Variants in RBFOX1 observed in about 807,000 individuals in gnomAD.
The protein encoded by RBFOX1 is RNA binding fox-1 homolog 1, also known as RNA binding protein fox-1 homolog 1.
Under a neutral mutation model 57.7 loss-of-function variants are expected in RBFOX1, and 8 were observed. The ratio of observed to expected loss-of-function variants is 0.14; its 90% CI spans 0.08 to 0.25. The LOEUF (loss-of-function observed/expected upper bound fraction) is 0.25, where lower values mean the gene tolerates loss of function less well. Ranked by LOEUF, RBFOX1 falls within the 10% of genes least tolerant of loss-of-function variation. The probability of loss-of-function intolerance (pLI) is 1.00; values close to 1 mark genes in which losing one functional copy is unlikely to be tolerated. For synonymous variants in RBFOX1, 326 were observed against 222.4 expected (o/e 1.47, Z -4.15); for missense variants, 611 against 548.5 (o/e 1.11, Z -1.14).
chr16:6,631,953 A>G (rs1159639890), intron 2 of RBFOX1, among the ~76,000 whole-genome samples: 2 of 152,198 alleles, frequency 1.3e-5, no homozygotes, highest in East Asian at 1.9e-4. Context: ...GCAAAGAGCT[A>G]TGTTGGGAGC....
At chr16:6,002,635 C>T (rs2060621794) in intron 4 of RBFOX1, among the ~76,000 whole-genome samples, 1 of 152,174 alleles carries the variant, frequency 6.6e-6, no homozygotes, top group Non-Finnish European at 1.5e-5. Flanking sequence ...TCTTTCTTCT[C>T]CTACCGTTCT....
chr16:6,676,705 C>G (rs1175970002), intron 3 of RBFOX1, among the ~76,000 whole-genome samples: 1 of 118,392 alleles, frequency 8.4e-6, no homozygotes, highest in Non-Finnish European at 1.7e-5. Flanking sequence ...GACAAAGTCT[C>G]ACTCTTGTCC....
intron 4 of RBFOX1, among the ~76,000 whole-genome samples, chr16:7,162,497 AG>A (rs1199291771): frequency 6.8e-6 from 1 of 148,122 alleles, no homozygotes; most frequent in African/African-American, 2.5e-5. Flanking sequence ...TGAGAGGTTG[AG>A]GGGGATAGAT....
At chr16:7,373,932 C>A (rs1393571045) in intron 4 of RBFOX1, among the ~76,000 whole-genome samples, 5 of 152,136 alleles carry the variant, frequency 3.3e-5, no homozygotes, top group Admixed American at 2.0e-4. Context: ...CTCGTAGCAG[C>A]CCTTTGCAAT....
In RBFOX1 at chr16:6,363,394, G is replaced by T. The variant is rs939540784; in HGVS notation, c.-64+46337G>T. Among the ~76,000 whole-genome samples, 3 of 152,184 alleles carry T rather than the reference G, an allele frequency of 2.0e-5. No homozygotes were observed. In the South Asian group the frequency reaches 6.2e-4, roughly 31 times the overall value. On this transcript the variant is annotated intron_variant, in intron 2 of 15. Transcript: ENST00000550418. ...CATACCCTAAATCTTTGCTTGCAAA[G>T]TTGACCAGTGATGCACAGAATGAGG... is the stretch of plus-strand genomic sequence containing the variant.
chr16:6,585,632 G>C (rs1204248275), intron 2 of RBFOX1, among the ~76,000 whole-genome samples: 1 of 152,114 alleles, frequency 6.6e-6, no homozygotes, highest in East Asian at 1.9e-4. Context: ...TTAGATCAAT[G>C]ACATAGACTC....
chr16:5,413,550 C>G (rs1347136564), intron 1 of RBFOX1, among the ~76,000 whole-genome samples: 2 of 152,216 alleles, frequency 1.3e-5, no homozygotes, highest in Non-Finnish European at 2.9e-5. Flanking sequence ...GCCACCATAT[C>G]AGACAGCACA....
Position 5,657,732 on chromosome 16 carries a change from C to CTTTTTTTTTTTTTTT in RBFOX1, c.318+58775_318+58776insTTTTTTTTTTTTTTT, listed in dbSNP as rs71386513. Among the ~76,000 whole-genome samples the CTTTTTTTTTTTTTTT allele has an allele frequency of 2.0e-5, 2 of 98,352 alleles. 1 individual carries two copies. The highest frequency in any genetic ancestry group is 3.8e-5 in the Non-Finnish European group (2 of 53,164). 64.5% of individuals were successfully genotyped at this position (98,352 alleles called of 152,430 possible). On this transcript the variant is annotated intron_variant, in intron 3 of 19. Coordinates refer to the RBFOX1 transcript ENST00000641259. ...TTTCTCTCTTTCTTTTGTTTCTTTTCTTTTCTTTTTTTTTTTTTGAGACAG... is the reference window on the plus strand; with the variant it reads ...TTTCTCTCTTTCTTTTGTTTCTTTTCTTTTTTTTTTTTTTTTTTTCTTTTTTTTTTTTTGAGACAG...
At chr16:6,601,392 C>G (rs1392105570) in intron 2 of RBFOX1, among the ~76,000 whole-genome samples, 4 of 152,016 alleles carry the variant, frequency 2.6e-5, no homozygotes, top group Admixed American at 2.6e-4. Flanking sequence ...AGTTACGGTG[C>G]TTTTGTTGGT....
chr16:7,529,258 C>T (rs1227247459), intron 5 of RBFOX1, among the ~76,000 whole-genome samples: 1 of 152,138 alleles, frequency 6.6e-6, no homozygotes, highest in African/African-American at 2.4e-5. Flanking sequence ...CAGACTCTGT[C>T]TCAAAAACAA....
intron 4 of RBFOX1, among the ~76,000 whole-genome samples, chr16:7,496,665 T>C (rs2068740540): frequency 6.9e-6 from 1 of 145,022 alleles, no homozygotes; most frequent in African/African-American, 2.6e-5. Context: ...GTATTTACAT[T>C]CCAACAATGT....
intron 4 of RBFOX1, among the ~76,000 whole-genome samples, chr16:7,292,937 CAG>C (rs1228153312): frequency 6.6e-6 from 1 of 152,088 alleles, no homozygotes; most frequent in Non-Finnish European, 1.5e-5. Flanking sequence ...GAGCAGGAAA[CAG>C]AGGATGAAGG....
rs574788376 is a variant in RBFOX1 at position 6,298,765 on chromosome 16, A to T, written c.-126-18230A>T. ...TCCAAAGGTTAGCTTTTGAAATTAAACAAATTATGGTGAGTTTACATATTT... is the reference window on the plus strand; with the variant it reads ...TCCAAAGGTTAGCTTTTGAAATTAATCAAATTATGGTGAGTTTACATATTT... On this transcript the variant is annotated intron_variant, in intron 1 of 15. Transcript: ENST00000550418. 2.0e-5 allele frequency among the ~76,000 whole-genome samples: 3 copies of T among 152,350 alleles called. 1 individual carries two copies. The highest frequency in any genetic ancestry group is 7.2e-5 in the African/African-American group (3 of 41,588).
chr16:6,689,529 A>G (rs76957520), intron 3 of RBFOX1, among the ~76,000 whole-genome samples: 3,286 of 152,250 alleles, frequency 0.022, 77 homozygotes, highest in East Asian at 0.086. Flanking sequence ...TTTATGCAAG[A>G]GATGTTTACA....
intron 3 of RBFOX1, among the ~76,000 whole-genome samples, chr16:6,963,598 A>T (rs939687482): frequency 4.6e-5 from 7 of 152,182 alleles, no homozygotes; most frequent in Non-Finnish European, 1.0e-4. Context: ...CCATCCTAGA[A>T]AAGCAAAACT....
At chr16:5,262,795 G>T (rs2062767424) in intron 1 of RBFOX1, among the ~76,000 whole-genome samples, 1 of 152,218 alleles carries the variant, frequency 6.6e-6, no homozygotes, top group Non-Finnish European at 1.5e-5. Flanking sequence ...ACTGTGTGTA[G>T]CATGGAGAAT....
At chr16:7,383,282 C>G (rs996992238) in intron 4 of RBFOX1, among the ~76,000 whole-genome samples, 1 of 146,254 alleles carries the variant, frequency 6.8e-6, no homozygotes, top group East Asian at 2.0e-4. Context: ...AAAAAAAAAA[C>G]GTAAAATGCA....
At chr16:6,122,738 C>T (rs747459880) in intron 1 of RBFOX1, among the ~76,000 whole-genome samples, 1 of 151,766 alleles carries the variant, frequency 6.6e-6, no homozygotes, top group Non-Finnish European at 1.5e-5. Flanking sequence ...AAAAAAAAGC[C>T]ACGGGACCTT....
chr16:7,081,421 A>G (rs1001782759), intron 4 of RBFOX1, among the ~76,000 whole-genome samples: 2 of 152,314 alleles, frequency 1.3e-5, no homozygotes, highest in Admixed American at 6.5e-5. Flanking sequence ...AACTTTAGCT[A>G]TTATAACTTG....
Sources: gnomAD v4.1 joint callset for allele counts (sites outside exome capture counted in the v4.1 genomes callset) on GRCh38, gnomAD v4.1.1 for gene constraint, MANE v1.5 for transcripts, NCBI Gene and HGNC (gene_info 2026-07-23, HGNC 2026-07-21) for gene names.